Variants in AP3B2 observed in about 807,000 individuals in gnomAD.
AP3B2 encodes AP-3 complex subunit beta-2.
A neutral mutation model predicts 126.9 loss-of-function variants in AP3B2; 50 were observed. That is an observed-to-expected ratio of 0.39 (90% CI 0.31 to 0.50). The LOEUF (loss-of-function observed/expected upper bound fraction) is 0.50, where lower values mean the gene tolerates loss of function less well. Among genes scored for constraint, AP3B2 ranks in the 20% least tolerant of loss-of-function variants. The probability of loss-of-function intolerance (pLI) is 0.79; values close to 1 mark genes in which losing one functional copy is unlikely to be tolerated. For synonymous variants in AP3B2, 541 were observed against 565.0 expected (o/e 0.96, Z 0.60); for missense variants, 1,177 against 1,426.4 (o/e 0.83, Z 2.82).
rs139967750 is a variant in AP3B2 at position 82,665,340 on chromosome 15, C to T, written c.1972-37G>A. The T allele has an allele frequency of 4.9e-4, 772 of 1,583,586 alleles. 5 individuals carry two copies. The African/African-American group carries it at 7.5e-3, about 15-fold the overall frequency. On this transcript the variant is annotated intron_variant, in intron 16 of 26. Transcript: ENST00000535359. This position sits in a 1 kb window ranked among gnomAD's most constrained non-coding sequence, Gnocchi z 4.4. ...GGGGAGGGTGTTAGGAGGGCTGGGC[C>T]GGCACTGCCAGGGCTCCCTACTGTC...
chr15:82,709,604 CGGA>C lies in AP3B2; in HGVS notation c.100_102del (p.Ser34del), dbSNP rs1250341019. 2.0e-6 allele frequency: 3 copies of C among 1,508,292 alleles called. No individual in the cohort carries two copies. Among genetic ancestry groups the C allele is most frequent in the Middle Eastern group, 2.3e-4 (1 of 4,260 alleles). 93.4% of individuals were successfully genotyped at this position (1,508,292 alleles called of 1,614,324 possible). On this transcript the variant is annotated inframe_deletion, in exon 1 of 27. Coordinates refer to ENST00000535359, the MANE Select transcript of AP3B2 (RefSeq NM_001278512.2). ...GGCGGGCTCCCTCACCGCTTGTAGT[CGGA>C]GGAGAAGATGCCGCCGCTCGCGGGG...
In AP3B2 at chr15:82,680,366, G is replaced by GTGGGCAGAGGTGGAAGCGGC; in HGVS notation, c.1055+86_1055+105dup. On this transcript the variant is annotated intron_variant, in intron 8 of 26. Transcript: ENST00000535359. The surrounding 1 kb of genome is among the most constrained non-coding windows in gnomAD (Gnocchi z 6.1). ...CAGGACTACGGTCAGTGTGGAGCGGGTGGGCAGAGGTGGAAGCGGCTGGTG... is the reference window on the plus strand; with the variant it reads ...CAGGACTACGGTCAGTGTGGAGCGGGTGGGCAGAGGTGGAAGCGGCTGGGCAGAGGTGGAAGCGGCTGGTG... 1 of 1,471,628 alleles carries GTGGGCAGAGGTGGAAGCGGC rather than the reference G, an allele frequency of 6.8e-7. No homozygotes were observed. The highest frequency in any genetic ancestry group is 9.1e-7 in the Non-Finnish European group (1 of 1,099,422). 91.2% of individuals were successfully genotyped at this position (1,471,628 alleles called of 1,614,324 possible). A position where few individuals can be genotyped will look rare whatever the true frequency, so the allele number is the denominator to read the frequency against.
At position 82,688,822 on chromosome 15, in the gene AP3B2, GCTT is replaced by G; in HGVS notation, c.271_273del (p.Lys91del). ...TAGCGTACCAGGTACACATAGACAA[GCTT>G]CTTCACCTTGGGGAGAGCACGTTTC... is the stretch of plus-strand genomic sequence containing the variant. On this transcript the variant is annotated inframe_deletion, in exon 4 of 27. Transcript: ENST00000535359. 1.9e-6 allele frequency: 3 copies of G among 1,611,578 alleles called. No homozygotes were observed. The highest frequency in any genetic ancestry group is 2.5e-6 in the Non-Finnish European group (3 of 1,178,894).
intron 1 of AP3B2, among the ~76,000 whole-genome samples, chr15:82,701,405 A>G (rs2048717654): frequency 6.6e-6 from 1 of 152,178 alleles, no homozygotes; most frequent in African/African-American, 2.4e-5. Flanking sequence ...GGAGTCATAC[A>G]TTTTAAGAAA....
intron 14 of AP3B2, among the ~76,000 whole-genome samples, chr15:82,670,097 T>TAAAAAA (rs2048127933): frequency 2.6e-5 from 1 of 37,970 alleles, no homozygotes; most frequent in Non-Finnish European, 5.3e-5. Flanking sequence ...AAAAAATCAG[T>TAAAAAA]GGCTTTTTTT....
chr15:82,680,564 C>A lies in AP3B2; in HGVS notation c.963G>T (p.Val321=). The A allele has an allele frequency of 6.3e-7, 1 of 1,579,720 alleles. No individual in the cohort carries two copies. The highest frequency in any genetic ancestry group is 2.3e-5 in the East Asian group (1 of 43,752). ...PLLQSRSAAV[V]MAVAQLYFHL... ...GGAAGTAGAGCTGCGCCACCGCCAT[C>A]ACCACCGCGGCGCTGCGGCTCTGCA... Residue 321 remains valine, a synonymous_variant, in exon 8 of 27, where the codon GTG becomes GTT. Coordinates refer to ENST00000535359, the MANE Select transcript of AP3B2 (RefSeq NM_001278512.2). The surrounding 1 kb of genome is among the most constrained non-coding windows in gnomAD (Gnocchi z 6.1).
intron 4 of AP3B2, chr15:82,685,626 T>C (rs777724679): frequency 3.2e-4 from 49 of 152,242 alleles, no homozygotes; most frequent in Non-Finnish European, 6.3e-4. Context: ...TTTCCTTTTT[T>C]GTGTGTGAGC....
At position 82,664,291 on chromosome 15, in the gene AP3B2, C is replaced by T; in HGVS notation, c.2261+76G>A. ...GGCTCAGGGGCTCTTAGGAGACTGG[C>T]TAAAGCTCAATGCTAGCCCTCTTTC... On this transcript the variant is annotated intron_variant, in intron 19 of 26. Transcript: ENST00000535359. The surrounding 1 kb of genome is among the most constrained non-coding windows in gnomAD (Gnocchi z 4.5). The T allele has an allele frequency of 6.2e-7, 1 of 1,606,100 alleles. No homozygotes were observed. Among genetic ancestry groups the T allele is most frequent in the South Asian group, 1.1e-5 (1 of 90,688 alleles).
chr15:82,697,515 A>G (rs2048647905), intron 1 of AP3B2, among the ~76,000 whole-genome samples: 1 of 152,194 alleles, frequency 6.6e-6, no homozygotes, highest in African/African-American at 2.4e-5. Flanking sequence ...GAATGCTGAG[A>G]GGAAGAGAAG....
chr15:82,678,135 G>A lies in AP3B2; in HGVS notation c.1215C>T (p.Thr405=). ...ATTCCCGTAGGACAGTAGGAATGTT[G>A]GTCTCATTGGCCAGGTTGGTCAGCA... ...LEVLTNLANE[T]NIPTVLREFQ... Residue 405 remains threonine, a synonymous_variant, in exon 11 of 27, where the codon ACC becomes ACT. Coordinates refer to ENST00000535359, the MANE Select transcript of AP3B2 (RefSeq NM_001278512.2). 6.2e-7 allele frequency: 1 copy of A among 1,613,872 alleles called. No individual in the cohort carries two copies. The highest frequency in any genetic ancestry group is 8.5e-7 in the Non-Finnish European group (1 of 1,179,868).
In AP3B2 at chr15:82,681,154, C is replaced by T. The variant is rs2048333796; in HGVS notation, c.546G>A (p.Gln182=). ...GAAGCTTCTCAATGACTTCTATCAG[C>T]TGATCCTTCTGGTCAGAGTCCAAAC... is the stretch of plus-strand genomic sequence containing the variant. ...LYSLDSDQKD[Q]LIEVIEKLLA... The change falls in exon 6 of 27, where the codon CAG becomes CAA. Residue 182 remains glutamine (Q), a synonymous_variant. Transcript: ENST00000535359. The surrounding 1 kb of genome is among the most constrained non-coding windows in gnomAD (Gnocchi z 4.0). 1 of 1,612,692 alleles carries T rather than the reference C, an allele frequency of 6.2e-7. No individual in the cohort carries two copies. The highest frequency in any genetic ancestry group is 8.5e-7 in the Non-Finnish European group (1 of 1,179,344).
chr15:82,687,525 C>T (rs575452836), intron 4 of AP3B2: 1 of 152,312 alleles, frequency 6.6e-6, no homozygotes, highest in East Asian at 1.9e-4. Flanking sequence ...ACTTGCCAAT[C>T]TAAGACGGAT....
chr15:82,698,457 A>G (rs1596196297), intron 1 of AP3B2, among the ~76,000 whole-genome samples: 1 of 150,498 alleles, frequency 6.6e-6, no homozygotes, highest in East Asian at 2.0e-4. Context: ...CCACACCCTC[A>G]TAGAGACACA....
intron 1 of AP3B2, among the ~76,000 whole-genome samples, chr15:82,702,508 T>C (rs1434033296): frequency 6.6e-6 from 1 of 152,074 alleles, no homozygotes; most frequent in Non-Finnish European, 1.5e-5. Flanking sequence ...ACTGATGACA[T>C]TACCTTGTGA....
In AP3B2 at chr15:82,681,535, T is replaced by C. The variant is rs1222157458; in HGVS notation, c.406A>G (p.Ser136Gly). 1 of 1,613,876 alleles carries C rather than the reference T, an allele frequency of 6.2e-7. No homozygotes were observed. Among genetic ancestry groups the C allele is most frequent in the East Asian group, 2.2e-5 (1 of 44,872 alleles). The part of the protein sequence containing the change: ...IRASALRVLS[S>G]IRVPIIVPIM... ...GGCACTATGATGGGCACACGGATGC[T>C]AGAGAGGACACGGAGGGCACTGGCA... is the stretch of plus-strand genomic sequence containing the variant. Residue 136 changes from serine to glycine, a missense_variant, in exon 5 of 27, where the codon AGC (serine) becomes GGC (glycine). Coordinates refer to ENST00000535359, the MANE Select transcript of AP3B2 (RefSeq NM_001278512.2). This position sits in a 1 kb window ranked among gnomAD's most constrained non-coding sequence, Gnocchi z 4.0.
intron 14 of AP3B2, among the ~76,000 whole-genome samples, chr15:82,668,659 TATA>T (rs1370352588): frequency 6.6e-6 from 1 of 152,176 alleles, no homozygotes; most frequent in Non-Finnish European, 1.5e-5. Context: ...AGGATTTGCC[TATA>T]ATAATTCATT....
chr15:82,663,444 G>T, intron 21 of AP3B2, 116 bp downstream of exon 21: 2 of 1,242,852 alleles, frequency 1.6e-6, no homozygotes, highest in East Asian at 4.8e-5. Context: ...GATATGTTCT[G>T]TCTGCTCCCC....
intron 1 of AP3B2, 134 bp downstream of exon 1, chr15:82,709,460 G>T: frequency 2.4e-6 from 1 of 408,946 alleles, no homozygotes; most frequent in Non-Finnish European, 3.3e-6. Flanking sequence ...CCGCAGGAGG[G>T]GGCCGGGCGG....
chr15:82,677,618 T>G lies in AP3B2; in HGVS notation c.1378+53A>C, dbSNP rs539280327. On this transcript the variant is annotated intron_variant, in intron 12 of 26. Coordinates refer to ENST00000535359, the MANE Select transcript of AP3B2 (RefSeq NM_001278512.2). ...ATCCAGTGGCCAGCAGAGTCAGACC[T>G]GCAGGCAGACACCCTCTGATCATCA... The G allele has an allele frequency of 2.7e-6, 4 of 1,486,988 alleles. No individual in the cohort carries two copies. The Admixed American group carries it at 9.0e-5, about 33-fold the overall frequency. 92.1% of individuals were successfully genotyped at this position (1,486,988 alleles called of 1,614,324 possible).
Sources: gnomAD v4.1 joint callset for allele counts (sites outside exome capture counted in the v4.1 genomes callset) on GRCh38, gnomAD v4.1.1 for gene constraint, Gnocchi (gnomAD v3.1) non-coding constraint, MANE v1.5 for transcripts, NCBI Gene and HGNC (gene_info 2026-07-23, HGNC 2026-07-21) for gene names.